The following FAM53A variants were observed in gnomAD, a reference collection of about 807,000 sequenced individuals.
FAM53A encodes the protein protein FAM53A.
FAM53A carries 28 observed loss-of-function variants against 26.6 expected under a neutral mutation model. That is an observed-to-expected ratio of 1.05 (90% CI 0.78 to 1.45). The LOEUF (loss-of-function observed/expected upper bound fraction) is 1.45. FAM53A is among the 40% of genes most tolerant of loss of function. The pLI is 0.00. For missense variants in FAM53A, 650 were observed against 575.8 expected (o/e 1.13, Z -1.32); for synonymous variants, 290 against 253.1 (o/e 1.15, Z -1.38).
At chr4:1,672,610 G>C (rs1167380692) in intron 1 of FAM53A, among the ~76,000 whole-genome samples, 1 of 152,110 alleles carries the variant, frequency 6.6e-6, no homozygotes, top group African/African-American at 2.4e-5. Flanking sequence ...CACAGCCTCA[G>C]AGTGATCCCC....
the FAM53A span, chr4:1,574,279 C>T: frequency 6.6e-6 from 1 of 152,482 alleles, no homozygotes; most frequent in East Asian, 1.9e-4. Flanking sequence ...TCTCCTGAGG[C>T]CCCGCTGGTC....
chr4:1,608,870 T>C, the FAM53A span, among the ~76,000 whole-genome samples: 1 of 152,120 alleles, frequency 6.6e-6, no homozygotes, highest in African/African-American at 2.4e-5. Context: ...TCATTCCTGG[T>C]GAATCCTCGT....
chr4:1,618,341 A>G (rs906915250), intron 1 of FAM53A, among the ~76,000 whole-genome samples: 4 of 152,234 alleles, frequency 2.6e-5, no homozygotes, highest in African/African-American at 9.6e-5. Context: ...AGACCTGGCC[A>G]GAATCCCAGG....
chr4:1,614,584 C>T (rs568293201), downstream of FAM53A, among the ~76,000 whole-genome samples: 5 of 152,072 alleles, frequency 3.3e-5, no homozygotes, highest in African/African-American at 7.2e-5. Flanking sequence ...GCAGCGTCAC[C>T]GCAGCAGCAA....
At chr4:1,645,757 G>C (rs750152276) in intron 4 of FAM53A, among the ~76,000 whole-genome samples, 1 of 152,248 alleles carries the variant, frequency 6.6e-6, no homozygotes, top group African/African-American at 2.4e-5. Flanking sequence ...GGCTCCTGGA[G>C]AGAAGGTCTG....
intron 4 of FAM53A, chr4:1,644,585 C>T: frequency 2.1e-6 from 1 of 466,016 alleles, no homozygotes; most frequent in Non-Finnish European, 3.8e-6. Context: ...TGGGCGCCAG[C>T]CCCGGGGCTC....
At chr4:1,626,894 T>C (rs915530803) in intron 1 of FAM53A, among the ~76,000 whole-genome samples, 3 of 152,070 alleles carry the variant, frequency 2.0e-5, no homozygotes, top group Admixed American at 6.5e-5. Flanking sequence ...TTCTGTGGCC[T>C]GTATGTGGGG....
At position 1,630,372 on chromosome 4, in the gene FAM53A, C is replaced by A. The variant is rs917945901; in HGVS notation, c.432-12261G>T. Among the ~76,000 whole-genome samples the A allele has an allele frequency of 1.7e-4, 26 of 152,366 alleles. No individual in the cohort carries two copies. The highest frequency in any genetic ancestry group is 5.0e-4 in the African/African-American group (21 of 41,588). On this transcript the variant is annotated intron_variant, in intron 1 of 1. Transcript: ENST00000489029. The surrounding 1 kb of genome is among the most constrained non-coding windows in gnomAD (Gnocchi z 4.3). ...GCCACTGCAGCCGAAACAGCCACAG[C>A]CAAGGTCTACACAAATGCACGTCGG...
chr4:1,628,917 G>A (rs1030262420), intron 1 of FAM53A, among the ~76,000 whole-genome samples: 2 of 151,940 alleles, frequency 1.3e-5, no homozygotes, highest in South Asian at 4.1e-4. Flanking sequence ...CGTAGCCCAA[G>A]ATAAGGGGGC....
chr4:1,595,193 C>T, the FAM53A span, among the ~76,000 whole-genome samples: 1 of 152,234 alleles, frequency 6.6e-6, no homozygotes, highest in Admixed American at 6.5e-5. Flanking sequence ...TCCCTCTGCC[C>T]ACAGGGACCC....
At chr4:1,582,403 C>G in the FAM53A span, among the ~76,000 whole-genome samples, 1 of 152,214 alleles carries the variant, frequency 6.6e-6, no homozygotes, top group African/African-American at 2.4e-5. Flanking sequence ...CGGGGAAAGA[C>G]CAGAAGGGCA....
intron 4 of FAM53A, among the ~76,000 whole-genome samples, chr4:1,653,446 C>T (rs1013027036): frequency 1.3e-5 from 2 of 152,180 alleles, no homozygotes; most frequent in African/African-American, 2.4e-5. Flanking sequence ...CCCCGCCCCA[C>T]AACGTGCTGA....
chr4:1,627,371 G>A (rs907041819), intron 1 of FAM53A, among the ~76,000 whole-genome samples: 1 of 152,218 alleles, frequency 6.6e-6, no homozygotes, highest in East Asian at 1.9e-4. Context: ...GAGCAGCCGT[G>A]AACTGCCGAC....
At chr4:1,578,977 G>A in the FAM53A span, among the ~76,000 whole-genome samples, 4 of 151,010 alleles carry the variant, frequency 2.6e-5, no homozygotes, top group Non-Finnish European at 5.9e-5. Context: ...GCGGGAAAGG[G>A]CGCGGCCCGG....
chr4:1,634,046 A>G (rs1319892189), intron 1 of FAM53A, among the ~76,000 whole-genome samples: 2 of 151,952 alleles, frequency 1.3e-5, no homozygotes, highest in African/African-American at 4.8e-5. Context: ...GGGCCCAGGG[A>G]GGGGCTCTCT....
the FAM53A span, among the ~76,000 whole-genome samples, chr4:1,597,680 T>G: frequency 6.6e-6 from 1 of 152,114 alleles, no homozygotes; most frequent in African/African-American, 2.4e-5. Context: ...AGCACCTGGG[T>G]GGTACAGCCC....
intron 4 of FAM53A, among the ~76,000 whole-genome samples, chr4:1,653,460 G>A (rs751044692): frequency 2.6e-5 from 4 of 152,202 alleles, no homozygotes; most frequent in Non-Finnish European, 4.4e-5. Flanking sequence ...GTGCTGAGCC[G>A]GCAGCTCCCT....
At chr4:1,632,627 C>T (rs377038838) in intron 1 of FAM53A, among the ~76,000 whole-genome samples, 3 of 152,236 alleles carry the variant, frequency 2.0e-5, no homozygotes, top group African/African-American at 4.8e-5. Context: ...AAAGCTGGAA[C>T]GAAGCCTGAG....
intron 1 of FAM53A, among the ~76,000 whole-genome samples, chr4:1,622,006 G>A (rs1388201505): frequency 6.6e-6 from 1 of 152,166 alleles, no homozygotes; most frequent in East Asian, 1.9e-4. Flanking sequence ...ACATATTAAA[G>A]GGCAGGTTCC....
Sources: allele counts gnomAD v4.1 joint callset (sites outside exome capture counted in the v4.1 genomes callset), GRCh38; gene constraint gnomAD v4.1.1; non-coding constraint Gnocchi (gnomAD v3.1); transcripts MANE v1.5; gene names NCBI Gene and HGNC (gene_info 2026-07-23, HGNC 2026-07-21).